Variants in POGLUT3 observed in about 807,000 individuals in gnomAD.
POGLUT3 encodes the protein KDEL (Lys-Asp-Glu-Leu) containing 2.
A neutral mutation model predicts 54.3 loss-of-function variants in POGLUT3; 48 were observed. The observed-to-expected ratio is 0.88, with a 90% CI of 0.70 to 1.12. The LOEUF (loss-of-function observed/expected upper bound fraction) is 1.12. Ranked by LOEUF, POGLUT3 falls within the 50% of genes most tolerant of loss-of-function variation. The pLI is 0.00. For missense variants in POGLUT3, 629 were observed against 618.7 expected, an observed-to-expected ratio of 1.02 and a Z score of -0.18; for synonymous variants, 218 against 237.4, an observed-to-expected ratio of 0.92 and a Z score of 0.75.
At chr11:108,480,190 T>C (rs2093589839) in intron 5 of POGLUT3, among the ~76,000 whole-genome samples, 1 of 152,240 alleles carries the variant, frequency 6.6e-6, no homozygotes, top group Non-Finnish European at 1.5e-5. Context: ...ATGAACACTT[T>C]CATTTATTCA....
chr11:108,486,718 G>A, intron 2 of POGLUT3: 1 of 361,610 alleles, frequency 2.8e-6, no homozygotes, highest in East Asian at 4.3e-5. Flanking sequence ...TAAATGGCTG[G>A]CAAACATGAA....
Position 108,498,148 on chromosome 11 carries a change from C to A in POGLUT3, c.202+17G>T. 1 of 1,497,712 alleles carries A rather than the reference C, an allele frequency of 6.7e-7. No individual in the cohort carries two copies. Among genetic ancestry groups the A allele is most frequent in the South Asian group, 1.3e-5 (1 of 79,188 alleles). The allele number at this position is 1,497,712 out of a possible 1,614,324, so 92.8% of individuals were successfully genotyped here. On this transcript the variant is annotated intron_variant, in intron 1 of 7. Transcript: ENST00000323468. The stretch of plus-strand genomic sequence containing the variant: ...GACCCGGCCGCGGGACGAGGGAGGC[C>A]GGCGGCTGGACACTACCTGCGGGAG...
Position 108,498,315 on chromosome 11 carries a change from C to CCAGCAGGGCGAGGCGCAGCTGCAG in POGLUT3, c.28_51dup (p.Leu10_Leu17dup). 1 of 1,437,610 alleles carries CCAGCAGGGCGAGGCGCAGCTGCAG rather than the reference C, an allele frequency of 7.0e-7. No homozygotes were observed. Among genetic ancestry groups the CCAGCAGGGCGAGGCGCAGCTGCAG allele is most frequent in the Non-Finnish European group, 9.2e-7 (1 of 1,092,824 alleles). 89.1% of individuals were successfully genotyped at this position (1,437,610 alleles called of 1,614,324 possible). On this transcript the variant is annotated inframe_insertion, in exon 1 of 8. Coordinates refer to ENST00000323468, the MANE Select transcript of POGLUT3 (RefSeq NM_153705.5). ...AGCACCTCCGGGGCCCCCGCGGCCA[C>CCAGCAGGGCGAGGCGCAGCTGCAG]CAGCAGGGCGAGGCGCAGCTGCAGC...
intron 6 of POGLUT3, 144 bp downstream of exon 6, chr11:108,479,157 T>C: frequency 3.3e-6 from 2 of 598,162 alleles, no homozygotes; most frequent in Non-Finnish European, 2.8e-6. Context: ...GCTGATTCTT[T>C]AGATATTTCA....
chr11:108,483,913 T>A (rs2093597638), intron 3 of POGLUT3, among the ~76,000 whole-genome samples: 1 of 152,100 alleles, frequency 6.6e-6, no homozygotes, highest in South Asian at 2.1e-4. Context: ...AAATGATTCA[T>A]CTGCCTCAGC....
intron 7 of POGLUT3, among the ~76,000 whole-genome samples, chr11:108,475,868 T>A (rs1384700238): frequency 6.6e-6 from 1 of 152,124 alleles, no homozygotes; most frequent in Non-Finnish European, 1.5e-5. Flanking sequence ...TAGATAAGCC[T>A]AATTAATATT....
At chr11:108,477,547 G>C (rs2093584293) in intron 7 of POGLUT3, 60 bp downstream of exon 7, 2 of 1,002,278 alleles carry the variant, frequency 2.0e-6, no homozygotes, top group Non-Finnish European at 3.1e-6. Context: ...AAGTGTACAG[G>C]CCAAGCGGGT....
intron 1 of POGLUT3, chr11:108,491,486 A>C: frequency 4.4e-6 from 2 of 452,868 alleles, no homozygotes; most frequent in South Asian, 5.9e-5. Context: ...CATCAGCCCC[A>C]TGAGTAGCTG....
intron 2 of POGLUT3, among the ~76,000 whole-genome samples, chr11:108,490,344 T>C (rs1368059963): frequency 6.6e-6 from 1 of 152,070 alleles, no homozygotes; most frequent in Non-Finnish European, 1.5e-5. Flanking sequence ...ACTTCAGGCA[T>C]GCGCCGCCAC....
chr11:108,480,329 G>C lies in POGLUT3; in HGVS notation c.1099-834C>G, dbSNP rs73547100. Among the ~76,000 whole-genome samples the C allele has an allele frequency of 9.1e-3, 1,386 of 152,294 alleles. 20 individuals carry two copies. Among genetic ancestry groups the C allele is most frequent in the African/African-American group, 0.031 (1,298 of 41,562 alleles). ...CTTGGGCAATGCTGGCAACATAGTA[G>C]GTAAGCTGTCTGCATATTTGTTGGG... On this transcript the variant is annotated intron_variant, in intron 5 of 7. Transcript: ENST00000323468.
chr11:108,491,319 C>T, intron 1 of POGLUT3, 152 bp from the exon 2 acceptor site: 1 of 652,292 alleles, frequency 1.5e-6, no homozygotes. Context: ...ATCTTTGAGG[C>T]CAGGAACTGT....
chr11:108,479,369 G>C lies in POGLUT3; in HGVS notation c.1225C>G (p.Pro409Ala), dbSNP rs779304350. The C allele has an allele frequency of 1.2e-6, 2 of 1,612,810 alleles. No individual in the cohort carries two copies. The highest frequency in any genetic ancestry group is 1.7e-6 in the Non-Finnish European group (2 of 1,179,716). ...YYEHFYMALE[P>A]WKHYVPIKRN... ...TTAATTGGAACATAATGCTTCCAAG[G>C]TTCTAGTGCCATGTAGAAATGTTCA... is the stretch of plus-strand genomic sequence containing the variant. The change falls in exon 6 of 8, where the codon CCT (proline) becomes GCT (alanine). Residue 409 changes from proline to alanine, a missense_variant. Physicochemically the swap from Pro to Ala is conservative, Grantham distance 27. Transcript: ENST00000323468.
In POGLUT3 at chr11:108,482,159, C is replaced by T; in HGVS notation, c.748G>A (p.Val250Ile). The T allele has an allele frequency of 6.2e-7, 1 of 1,614,124 alleles. No homozygotes were observed. Among genetic ancestry groups the T allele is most frequent in the East Asian group, 2.2e-5 (1 of 44,882 alleles). Reference protein sequence around the residue: ...LGDWPLEHRKVNGTPSPIPII... With the variant: ...LGDWPLEHRKINGTPSPIPII... ...GGTATGGGGCTAGGGGTTCCATTGA[C>T]TTTTCGATGCTCCAAGGGCCAATCT... is the stretch of plus-strand genomic sequence containing the variant. Residue 250 changes from valine to isoleucine, a missense_variant, in exon 4 of 8, where the codon GTC becomes ATC. Physicochemically the swap from Val to Ile is conservative, Grantham distance 29. Transcript: ENST00000323468.
At chr11:108,491,342 A>G in intron 1 of POGLUT3, 175 bp from the exon 2 acceptor site, 2 of 608,216 alleles carry the variant, frequency 3.3e-6, no homozygotes, top group Non-Finnish European at 5.7e-6. Context: ...TGTCTGGTTC[A>G]TGCATTCTTT....
intron 1 of POGLUT3, among the ~76,000 whole-genome samples, chr11:108,495,638 T>A (rs2093621019): frequency 6.6e-6 from 1 of 152,084 alleles, no homozygotes; most frequent in Admixed American, 6.5e-5. Flanking sequence ...GGAATGAAAG[T>A]AAGGTTGTCC....
intron 7 of POGLUT3, among the ~76,000 whole-genome samples, chr11:108,475,469 G>GTTTTTTTTTT (rs1288287741): frequency 7.6e-6 from 1 of 130,926 alleles, no homozygotes; most frequent in Non-Finnish European, 1.6e-5. Flanking sequence ...TTTTGTTTTT[G>GTTTTTTTTTT]TTTTTTTTTT....
chr11:108,488,038 T>C (rs1655190727), intron 2 of POGLUT3, among the ~76,000 whole-genome samples: 1 of 151,934 alleles, frequency 6.6e-6, no homozygotes, highest in Non-Finnish European at 1.5e-5. Flanking sequence ...GTTGTTGTTT[T>C]TTTGAGATGG....
At chr11:108,492,658 T>C (rs148147525) in intron 1 of POGLUT3, among the ~76,000 whole-genome samples, 19 of 152,288 alleles carry the variant, frequency 1.2e-4, no homozygotes, top group African/African-American at 4.1e-4. Context: ...AACAATGTGG[T>C]ATCTGACATC....
chr11:108,474,349 T>C lies in POGLUT3; in HGVS notation c.*478A>G, dbSNP rs1009491904. On this transcript the variant is annotated 3_prime_UTR_variant, in exon 8 of 8. Coordinates refer to ENST00000323468, the MANE Select transcript of POGLUT3 (RefSeq NM_153705.5). ...TCAAATACAGGTTGAACATTCCTCA[T>C]ACAAAAATCTAAAATCTGAAATACC... 1.3e-5 allele frequency: 2 copies of C among 152,188 alleles called. No homozygotes were observed. The highest frequency in any genetic ancestry group is 2.4e-5 in the African/African-American group (1 of 41,428). The allele number at this position is 152,188 out of a possible 1,614,324, so 9.4% of individuals were successfully genotyped here. A position where few individuals can be genotyped will look rare whatever the true frequency, so the allele number is the denominator to read the frequency against.
Sources: gnomAD v4.1 joint callset for allele counts (sites outside exome capture counted in the v4.1 genomes callset) on GRCh38, gnomAD v4.1.1 for gene constraint, MANE v1.5 for transcripts, NCBI Gene and HGNC (gene_info 2026-07-23, HGNC 2026-07-21) for gene names.